STOX2: variants seen among roughly 807,000 people sequenced by gnomAD.
The protein encoded by STOX2 is storkhead-box protein 2.
A neutral mutation model predicts 60.9 loss-of-function variants in STOX2; 28 were observed. That is an observed-to-expected ratio of 0.46 (90% CI 0.34 to 0.63). The LOEUF (loss-of-function observed/expected upper bound fraction) is 0.63. Among genes scored for constraint, STOX2 ranks in the 30% least tolerant of loss-of-function variants. STOX2 has a pLI of 0.01. For synonymous variants in STOX2, 472 were observed against 463.9 expected, an observed-to-expected ratio of 1.02 and a Z score of -0.22; for missense variants, 1,024 against 1,187.7, an observed-to-expected ratio of 0.86 and a Z score of 2.03.
intron 1 of STOX2, among the ~76,000 whole-genome samples, chr4:183,884,980 C>T (rs1454791082): frequency 6.6e-6 from 1 of 152,172 alleles, no homozygotes; most frequent in Non-Finnish European, 1.5e-5. Flanking sequence ...CGTCGCGTCC[C>T]CGTCGCCACA....
intron 1 of STOX2, among the ~76,000 whole-genome samples, chr4:183,948,114 A>G (rs909359206): frequency 1.4e-5 from 2 of 145,186 alleles, no homozygotes; most frequent in Non-Finnish European, 3.0e-5. Flanking sequence ...GCTAGTCAGG[A>G]GGCTGAGGCA....
intron 1 of STOX2, among the ~76,000 whole-genome samples, chr4:183,862,714 G>T (rs751382384): frequency 3.9e-5 from 6 of 152,210 alleles, no homozygotes; most frequent in Non-Finnish European, 8.8e-5. Context: ...GGCTTTGGGG[G>T]CAAATTGCGT....
chr4:183,857,691 C>A (rs561776615), intron 1 of STOX2, among the ~76,000 whole-genome samples: 5 of 152,134 alleles, frequency 3.3e-5, no homozygotes, highest in Non-Finnish European at 7.4e-5. Context: ...ACCTTCCCCC[C>A]AGCCCTGTCT....
chr4:183,855,566 C>T (rs1055452261), intron 1 of STOX2, among the ~76,000 whole-genome samples: 4 of 151,968 alleles, frequency 2.6e-5, no homozygotes, highest in Non-Finnish European at 5.9e-5. Context: ...AACGAATGGT[C>T]GTCTATTTGG....
intron 1 of STOX2, among the ~76,000 whole-genome samples, chr4:183,894,577 A>G (rs1381216657): frequency 2.0e-5 from 3 of 152,028 alleles, no homozygotes; most frequent in African/African-American, 7.2e-5. Context: ...AGTTATTGAA[A>G]TTTGATAAAG....
chr4:183,819,074 C>T (rs193260494), intron 1 of STOX2, among the ~76,000 whole-genome samples: 7,243 of 150,872 alleles, frequency 0.048, 585 homozygotes, highest in African/African-American at 0.17. Flanking sequence ...GGCAGCCAGG[C>T]AGAGGGGCTC....
chr4:183,991,498 G>T (rs1733103646), intron 1 of STOX2, among the ~76,000 whole-genome samples: 1 of 151,666 alleles, frequency 6.6e-6, no homozygotes, highest in Admixed American at 6.6e-5. Context: ...CACGGTCTTG[G>T]CTCACTGCAA....
intron 1 of STOX2, among the ~76,000 whole-genome samples, chr4:183,984,209 T>A (rs1732759260): frequency 6.6e-6 from 1 of 152,272 alleles, no homozygotes; most frequent in Admixed American, 6.5e-5. Flanking sequence ...ATGGAGCTTA[T>A]GTTATGACAT....
rs146212283 is a variant in STOX2, at chr4:183,800,874, A to G, written c.364+2819A>G. Among the ~76,000 whole-genome samples, 430 of 152,330 alleles carry G rather than the reference A, an allele frequency of 2.8e-3. 1 individual carries two copies. The highest frequency in any genetic ancestry group is 9.5e-3 in the African/African-American group (393 of 41,572). ...TCTTGACTTGGGTTCGCCTGGGTGC[A>G]TGATTTCACACAACCCAGAGCAGAG... On this transcript the variant is annotated intron_variant, in intron 1 of 2. Transcript: ENST00000513034.
chr4:183,949,375 A>G (rs1742998756), intron 1 of STOX2, among the ~76,000 whole-genome samples: 1 of 152,206 alleles, frequency 6.6e-6, no homozygotes. Flanking sequence ...CCCTTAAAAT[A>G]GTAATAGTTT....
rs1047984563 is a variant in STOX2, at chr4:184,003,567, A to C, written c.319+2090A>C. ...GTTTGCAAGGACACCATACAAACCC[A>C]GGTCTAGCGCAGGAGTTTGCTAACC... On this transcript the variant is annotated intron_variant, in intron 2 of 3. Transcript: ENST00000308497. Among the ~76,000 whole-genome samples the C allele has an allele frequency of 2.6e-5, 4 of 152,232 alleles. No homozygotes were observed. In the East Asian group the frequency reaches 5.8e-4, roughly 22 times the overall value.
chr4:183,899,933 A>G (rs1186037803), intron 1 of STOX2, among the ~76,000 whole-genome samples: 1 of 152,162 alleles, frequency 6.6e-6, no homozygotes, highest in African/African-American at 2.4e-5. Flanking sequence ...GGACAGGCTA[A>G]CTCTCTTACT....
intron 1 of STOX2, among the ~76,000 whole-genome samples, chr4:183,969,902 G>A (rs566341810): frequency 4.6e-5 from 7 of 152,280 alleles, no homozygotes; most frequent in East Asian, 1.9e-4. Flanking sequence ...GATTCCAGGC[G>A]TGAGCCACCA....
intron 1 of STOX2, among the ~76,000 whole-genome samples, chr4:183,873,976 G>A (rs1290551481): frequency 6.6e-6 from 1 of 152,158 alleles, no homozygotes; most frequent in Non-Finnish European, 1.5e-5. Context: ...TGAGGTCCGG[G>A]TACTTGCCTT....
chr4:183,844,963 G>A (rs564806941), intron 1 of STOX2, among the ~76,000 whole-genome samples: 14 of 152,322 alleles, frequency 9.2e-5, no homozygotes, highest in African/African-American at 3.4e-4. Context: ...TGAAGCAGAT[G>A]TTGGTTCCAT....
chr4:183,803,253 A>G (rs1738809391), intron 1 of STOX2, among the ~76,000 whole-genome samples: 1 of 152,122 alleles, frequency 6.6e-6, no homozygotes, highest in African/African-American at 2.4e-5. Context: ...CTATAAGACG[A>G]GATTTGGGTG....
chr4:183,829,633 T>G (rs368183285), intron 1 of STOX2, among the ~76,000 whole-genome samples: 14 of 152,320 alleles, frequency 9.2e-5, no homozygotes, highest in Admixed American at 2.6e-4. Flanking sequence ...CTTGGTCACA[T>G]TGTCTTAGCC....
intron 1 of STOX2, among the ~76,000 whole-genome samples, chr4:183,948,230 A>AAC (rs1211271795): frequency 1.3e-5 from 2 of 150,476 alleles, no homozygotes; most frequent in Non-Finnish European, 3.0e-5. Flanking sequence ...AAAAAAAAAA[A>AAC]AAAAAAAAAA....
chr4:183,974,312 CA>C (rs1427843399), intron 1 of STOX2, among the ~76,000 whole-genome samples: 1 of 151,812 alleles, frequency 6.6e-6, no homozygotes, highest in East Asian at 1.9e-4. Flanking sequence ...AAAGGAAAAA[CA>C]GGAACAAAAT....
Sources: allele counts gnomAD v4.1 joint callset (sites outside exome capture counted in the v4.1 genomes callset), GRCh38; gene constraint gnomAD v4.1.1; transcripts MANE v1.5; gene names NCBI Gene and HGNC (gene_info 2026-07-23, HGNC 2026-07-21).